Variants in SNTG2 observed in about 807,000 individuals in gnomAD.
The protein encoded by SNTG2 is syntrophin gamma 2.
In SNTG2, 74 loss-of-function variants were observed where a neutral mutation model predicts 70.9. The observed-to-expected ratio is 1.04, with a 90% CI of 0.86 to 1.27. SNTG2 has a LOEUF of 1.27. Among genes scored for constraint, SNTG2 ranks in the 50% most tolerant of loss-of-function variants. The pLI, the probability that SNTG2 is intolerant of heterozygous loss-of-function variation, is 0.00. For missense variants in SNTG2, 717 were observed against 690.7 expected (o/e 1.04, Z -0.43); for synonymous variants, 278 against 273.8 (o/e 1.02, Z -0.15).
chr2:1,077,936 G>A (rs923726836), intron 1 of SNTG2, among the ~76,000 whole-genome samples: 3 of 152,068 alleles, frequency 2.0e-5, no homozygotes, highest in African/African-American at 4.8e-5. Context: ...GTGCTGACGC[G>A]GGTTCACGGC....
At chr2:1,041,765 G>C (rs1661452597) in intron 1 of SNTG2, among the ~76,000 whole-genome samples, 1 of 152,116 alleles carries the variant, frequency 6.6e-6, no homozygotes, top group African/African-American at 2.4e-5. Context: ...TCTGTGGGCT[G>C]GTTAACTTCT....
At chr2:1,296,336 T>G (rs1680213992) in intron 14 of SNTG2, among the ~76,000 whole-genome samples, 1 of 152,372 alleles carries the variant, frequency 6.6e-6, no homozygotes, top group Non-Finnish European at 1.5e-5. Flanking sequence ...TTTATAAAAC[T>G]TATACATATT....
chr2:1,086,745 G>T (rs1385106404), intron 2 of SNTG2, among the ~76,000 whole-genome samples: 1 of 152,076 alleles, frequency 6.6e-6, no homozygotes, highest in Non-Finnish European at 1.5e-5. Context: ...ACAATATAAA[G>T]TACTTGGATT....
rs1669175624 is a variant in SNTG2 at position 1,147,471 on chromosome 2, G to A, written c.411+9662G>A. On this transcript the variant is annotated intron_variant, in intron 6 of 16. Coordinates refer to ENST00000308624, the MANE Select transcript of SNTG2 (RefSeq NM_018968.4). ...CCAGCCTACATCTTTCTCCCATGCT[G>A]GATGCTTCCTGCCCTTGAACATCAG... 2.6e-5 allele frequency among the ~76,000 whole-genome samples: 4 copies of A among 152,322 alleles called. No individual in the cohort carries two copies. The South Asian group carries it at 8.3e-4, about 32-fold the overall frequency.
intron 4 of SNTG2, 101 bp from the exon 5 acceptor site, chr2:1,137,521 G>T (rs1668471918): frequency 9.0e-7 from 1 of 1,113,568 alleles, no homozygotes; most frequent in Non-Finnish European, 1.3e-6. Context: ...CACACACGTG[G>T]CCACTTCAGC....
chr2:1,058,420 C>T (rs1662605995), intron 1 of SNTG2, among the ~76,000 whole-genome samples: 1 of 152,148 alleles, frequency 6.6e-6, no homozygotes, highest in South Asian at 2.1e-4. Context: ...CTTTGAAATT[C>T]TCCCTGTTTT....
At chr2:1,069,531 G>A (rs1384096435) in intron 1 of SNTG2, among the ~76,000 whole-genome samples, 1 of 151,698 alleles carries the variant, frequency 6.6e-6, no homozygotes, top group Admixed American at 6.6e-5. Context: ...AGTGGCTCAT[G>A]CCTGTAATCT....
chr2:1,041,229 G>T (rs1309004237), intron 1 of SNTG2, among the ~76,000 whole-genome samples: 1 of 152,186 alleles, frequency 6.6e-6, no homozygotes, highest in African/African-American at 2.4e-5. Flanking sequence ...GTTAACCATA[G>T]TTGGATTTGT....
At chr2:1,087,409 T>C (rs1156437808) in intron 2 of SNTG2, among the ~76,000 whole-genome samples, 1 of 152,194 alleles carries the variant, frequency 6.6e-6, no homozygotes, top group East Asian at 1.9e-4. Flanking sequence ...TACATCGTGC[T>C]CTAGCCCTGA....
chr2:1,160,188 C>A (rs1271141861), intron 6 of SNTG2: 2 of 152,120 alleles, frequency 1.3e-5, no homozygotes, highest in Non-Finnish European at 2.9e-5. Context: ...CGTGTGGCTG[C>A]TGGATTAAAA....
rs570674640 is a variant in SNTG2 at position 1,273,988 on chromosome 2, G to T, written c.1284+6417G>T. 3.0e-4 allele frequency among the ~76,000 whole-genome samples: 45 copies of T among 152,296 alleles called. 1 individual carries two copies. In the East Asian group the frequency reaches 3.5e-3, roughly 12 times the overall value. On this transcript the variant is annotated intron_variant, in intron 14 of 16. Transcript: ENST00000308624. ...AAAACAATAAGAAATTTGGGAAAAG[G>T]CTTGAATAAACACTTCAAAAAAGAT...
intron 1 of SNTG2, among the ~76,000 whole-genome samples, chr2:957,066 T>G (rs2147941807): frequency 6.6e-6 from 1 of 152,320 alleles, no homozygotes; most frequent in East Asian, 1.9e-4. Flanking sequence ...CATGATTAAG[T>G]TTTCTTTATG....
intron 1 of SNTG2, among the ~76,000 whole-genome samples, chr2:1,014,734 T>C (rs1243547946): frequency 6.6e-6 from 1 of 150,998 alleles, no homozygotes; most frequent in African/African-American, 2.4e-5. Flanking sequence ...GGAATTTATA[T>C]GGGCAGAGAG....
intron 1 of SNTG2, among the ~76,000 whole-genome samples, chr2:1,060,874 C>T (rs1043198418): frequency 6.6e-6 from 1 of 152,168 alleles, no homozygotes; most frequent in African/African-American, 2.4e-5. Context: ...TGTTCACAGT[C>T]CCAATGGGTC....
chr2:1,206,526 C>CA (rs1330025361), intron 8 of SNTG2, among the ~76,000 whole-genome samples: 3 of 152,172 alleles, frequency 2.0e-5, no homozygotes, highest in Admixed American at 6.5e-5. Context: ...AGCATTAGCT[C>CA]ACAGAGACCT....
intron 12 of SNTG2, among the ~76,000 whole-genome samples, chr2:1,251,446 CACACACT>C (rs1365349927): frequency 2.8e-5 from 4 of 144,892 alleles, no homozygotes; most frequent in East Asian, 4.2e-4. Context: ...CCACACACAC[CACACACT>C]ACACACACCA....
chr2:1,208,404 C>CT (rs1187866361), intron 8 of SNTG2, among the ~76,000 whole-genome samples: 4 of 152,194 alleles, frequency 2.6e-5, no homozygotes, highest in Non-Finnish European at 5.9e-5. Flanking sequence ...GAGCCCGGCT[C>CT]TGAGATCAAG....
chr2:1,217,304 C>G (rs1385295110), intron 9 of SNTG2, among the ~76,000 whole-genome samples: 1 of 152,176 alleles, frequency 6.6e-6, no homozygotes, highest in African/African-American at 2.4e-5. Context: ...ATTGTCAGAT[C>G]AAGCTTATAC....
chr2:1,023,862 T>C (rs1463789643), intron 1 of SNTG2, among the ~76,000 whole-genome samples: 1 of 152,236 alleles, frequency 6.6e-6, no homozygotes, highest in Non-Finnish European at 1.5e-5. Flanking sequence ...TTGGACCTCC[T>C]TGTCCTTGAC....
Sources: allele counts gnomAD v4.1 joint callset (sites outside exome capture counted in the v4.1 genomes callset), GRCh38; gene constraint gnomAD v4.1.1; transcripts MANE v1.5; gene names NCBI Gene and HGNC (gene_info 2026-07-23, HGNC 2026-07-21).